The following ITIH3 variants were observed in gnomAD, a reference collection of about 807,000 sequenced individuals.
ITIH3 encodes the protein inter-alpha-trypsin inhibitor heavy chain 3, also known as inter-alpha-trypsin inhibitor heavy chain H3.
A neutral mutation model predicts 96.5 loss-of-function variants in ITIH3; 81 were observed. The ratio of observed to expected loss-of-function variants is 0.84; its 90% CI spans 0.70 to 1.01. The LOEUF (loss-of-function observed/expected upper bound fraction) is 1.01. ITIH3 is among the 50% of genes least tolerant of loss of function. ITIH3 has a pLI of 0.00. For missense variants in ITIH3, 1,057 were observed against 1,139.3 expected (o/e 0.93, Z 1.04); for synonymous variants, 422 against 445.2 (o/e 0.95, Z 0.66).
At position 52,802,343 on chromosome 3, in the gene ITIH3, G is replaced by A. The variant is rs367797376; in HGVS notation, c.1393G>A (p.Glu465Lys). 6.8e-6 allele frequency: 11 copies of A among 1,613,754 alleles called. No homozygotes were observed. Among genetic ancestry groups the A allele is most frequent in the Non-Finnish European group, 9.3e-6 (11 of 1,179,876 alleles). The stretch of plus-strand genomic sequence containing the variant: ...CCCGTGCGAACTTCAGGGCTTCTAT[G>A]AGGAGGTGGCCAACCCACTGCTGAC... ...DADLQLQGFYEEVANPLLTGV... is the reference protein window; with the variant it reads ...DADLQLQGFYKEVANPLLTGV... The change falls in exon 12 of 22, where the codon GAG becomes AAG. Residue 465 changes from glutamate (E) to lysine (K), a missense_variant. Physicochemically the swap from Glu to Lys is moderately conservative, Grantham distance 56. Transcript: ENST00000449956.
chr3:52,798,486 G>A (rs577247192), intron 6 of ITIH3: 30 of 178,868 alleles, frequency 1.7e-4, no homozygotes, highest in Admixed American at 1.3e-3. Context: ...ATCCTGCCCC[G>A]GGACCCTCCT....
chr3:52,800,740 G>A lies in ITIH3; in HGVS notation c.1201+77G>A. The A allele has an allele frequency of 3.9e-6, 6 of 1,549,202 alleles. No homozygotes were observed. The South Asian group carries it at 7.3e-5, about 19-fold the overall frequency. On this transcript the variant is annotated intron_variant, in intron 10 of 21. Coordinates refer to ENST00000449956, the MANE Select transcript of ITIH3 (RefSeq NM_002217.4). ...CTCCTGGCTCTGTAGCTGGCTCATT[G>A]GAAAACCTGGGGCAGCTCTTCCCTG...
At position 52,795,489 on chromosome 3, in the gene ITIH3, G is replaced by C. The variant is rs866669892; in HGVS notation, c.94-114G>C. On this transcript the variant is annotated intron_variant, in intron 1 of 21. Coordinates refer to ENST00000449956, the MANE Select transcript of ITIH3 (RefSeq NM_002217.4). ...ATGTCTGGGGGCCACTCAGGTGTGT[G>C]GGGGGCAGGGCACCACTGAACCCCT... is the stretch of plus-strand genomic sequence containing the variant. 37 of 1,118,270 alleles carry C rather than the reference G, an allele frequency of 3.3e-5. No homozygotes were observed. In the South Asian group the frequency reaches 4.8e-4, roughly 15 times the overall value. The allele number at this position is 1,118,270 out of a possible 1,614,324, so 69.3% of individuals were successfully genotyped here. A position where few individuals can be genotyped will look rare whatever the true frequency, so the allele number is the denominator to read the frequency against.
intron 11 of ITIH3, chr3:52,802,113 A>C: frequency 2.1e-6 from 1 of 474,286 alleles, no homozygotes; most frequent in Non-Finnish European, 3.7e-6. Context: ...TTAATAGGAA[A>C]TACTTCTGAA....
At chr3:52,804,220 C>T (rs138145477) in intron 14 of ITIH3, 13 of 590,730 alleles carry the variant, frequency 2.2e-5, no homozygotes, top group African/African-American at 3.7e-5. Context: ...GGAGCCTCTG[C>T]ACCTCTAAAG....
chr3:52,802,840 C>A, intron 13 of ITIH3, 34 bp downstream of exon 13: 1 of 1,611,556 alleles, frequency 6.2e-7, no homozygotes, highest in Non-Finnish European at 8.5e-7. Context: ...CTGTGCCTAC[C>A]CCTGGCTGGG....
intron 13 of ITIH3, 52 bp from the exon 14 acceptor site, chr3:52,803,803 T>C (rs2154110122): frequency 6.3e-7 from 1 of 1,599,584 alleles, no homozygotes; most frequent in South Asian, 1.1e-5. Context: ...GCAGGGGAAG[T>C]GGGCAGGGTG....
Position 52,802,368 on chromosome 3 carries a change from C to A in ITIH3, c.1418C>A (p.Thr473Lys). The A allele has an allele frequency of 1.2e-6, 2 of 1,613,948 alleles. No individual in the cohort carries two copies. Among genetic ancestry groups the A allele is most frequent in the East Asian group, 2.2e-5 (1 of 44,884 alleles). ...GAGGAGGTGGCCAACCCACTGCTGA[C>A]GGGTGTGGAGATGGAGTACCCCGAG... ...FYEEVANPLL[T>K]GVEMEYPENA... Residue 473 changes from threonine to lysine, a missense_variant, in exon 12 of 22, where the codon ACG (threonine) becomes AAG (lysine). Physicochemically the swap from Thr to Lys is moderately conservative, Grantham distance 78. Transcript: ENST00000449956.
intron 12 of ITIH3, 59 bp from the exon 13 acceptor site, chr3:52,802,608 C>A: frequency 1.2e-6 from 2 of 1,611,192 alleles, no homozygotes; most frequent in Middle Eastern, 3.3e-4. Flanking sequence ...GGAGTGGTGG[C>A]CCCTGAACCT....
chr3:52,800,777 G>A (rs1699802051), intron 10 of ITIH3, 114 bp downstream of exon 10: 2 of 1,485,584 alleles, frequency 1.3e-6, no homozygotes, highest in African/African-American at 1.4e-5. Flanking sequence ...GTTCCCTGTG[G>A]TCTGGGAGCC....
Position 52,800,978 on chromosome 3 carries a change from C to T in ITIH3, c.1215C>T (p.Pro405=), listed in dbSNP as rs375836861. The T allele has an allele frequency of 9.5e-5, 154 of 1,613,886 alleles. No homozygotes were observed. Among genetic ancestry groups the T allele is most frequent in the Non-Finnish European group, 1.2e-4 (145 of 1,179,902 alleles). Residue 405 remains proline (P), a synonymous_variant, in exon 11 of 22, where the codon CCC becomes CCT. Transcript: ENST00000449956. ...DGDANVGESR[P]EKIQENVRNA... The stretch of plus-strand genomic sequence containing the variant: ...CTTCTCCAACAGGTGAGAGCAGACC[C>T]GAAAAAATCCAAGAGAATGTGCGGA...
In ITIH3 at chr3:52,803,618, C is replaced by T. The variant is rs530999037; in HGVS notation, c.1710-237C>T. On this transcript the variant is annotated intron_variant, in intron 13 of 21. Transcript: ENST00000449956. Reference sequence around the variant, plus strand: ...ACAGGCGTGAGCCACCATGCCCGGCCGGTCCTTACGTTTTATAGGTGGGGA... The same window carrying T: ...ACAGGCGTGAGCCACCATGCCCGGCTGGTCCTTACGTTTTATAGGTGGGGA... 7.2e-5 allele frequency among the ~76,000 whole-genome samples: 11 copies of T among 152,340 alleles called. No individual in the cohort carries two copies. The South Asian group carries it at 2.1e-3, about 29-fold the overall frequency.
chr3:52,806,949 A>G lies in ITIH3; in HGVS notation c.2105A>G (p.Asp702Gly), dbSNP rs745965729. 1 of 1,592,758 alleles carries G rather than the reference A, an allele frequency of 6.3e-7. No individual in the cohort carries two copies. Among genetic ancestry groups the G allele is most frequent in the Non-Finnish European group, 8.5e-7 (1 of 1,169,846 alleles). Residue 702 changes from aspartate to glycine, a missense_variant, in exon 19 of 22, where the codon GAC (aspartate) becomes GGC (glycine). Coordinates refer to ENST00000449956, the MANE Select transcript of ITIH3 (RefSeq NM_002217.4). ...QITGDKRGSPDSKTRKTYFGK... is the reference protein window; with the variant it reads ...QITGDKRGSPGSKTRKTYFGK... The stretch of plus-strand genomic sequence containing the variant: ...ACTGGCGACAAGAGAGGCAGCCCTG[A>G]CTCCAAGACCAGAAAGACTTACTTT...
chr3:52,796,706 G>T, intron 3 of ITIH3, 33 bp from the exon 4 acceptor site: 1 of 1,605,548 alleles, frequency 6.2e-7, no homozygotes. Flanking sequence ...GGCCCAGTGT[G>T]ATCTCCCTAC....
At chr3:52,796,702 G>C in intron 3 of ITIH3, 37 bp from the exon 4 acceptor site, 1 of 1,606,476 alleles carries the variant, frequency 6.2e-7, no homozygotes, top group South Asian at 1.1e-5. Context: ...GTCTGGCCCA[G>C]TGTGATCTCC....
intron 18 of ITIH3, 148 bp from the exon 19 acceptor site, chr3:52,806,753 G>C (rs1480895091): frequency 1.5e-6 from 1 of 681,114 alleles, no homozygotes; most frequent in East Asian, 2.7e-5. Flanking sequence ...GGAACCAACA[G>C]GCTTGGGCTC....
rs766624449 is a variant in ITIH3, at chr3:52,806,153, G to C, written c.1942+15G>C. 1 of 1,601,282 alleles carries C rather than the reference G, an allele frequency of 6.2e-7. No homozygotes were observed. Among genetic ancestry groups the C allele is most frequent in the South Asian group, 1.1e-5 (1 of 88,996 alleles). On this transcript the variant is annotated intron_variant, in intron 17 of 21. Coordinates refer to ENST00000449956, the MANE Select transcript of ITIH3 (RefSeq NM_002217.4). ...CTACTACTATGGTGAGTCCCTGGCT[G>C]CTCCTCGGGAAGGCTCAGGGGCCTG...
Position 52,802,482 on chromosome 3 carries a change from A to G in ITIH3, c.1532A>G (p.Asp511Gly), listed in dbSNP as rs1198551310. 1.9e-6 allele frequency: 3 copies of G among 1,613,832 alleles called. No individual in the cohort carries two copies. Among genetic ancestry groups the G allele is most frequent in the Non-Finnish European group, 2.5e-6 (3 of 1,179,896 alleles). Reference protein sequence around the residue: ...IVVAGRLVDEDMNSFKADVKG... With the variant: ...IVVAGRLVDEGMNSFKADVKG... ...GTGGCCGGGCGCCTGGTGGACGAGG[A>G]CATGAACAGCTTTAAGGCAGATGTG... Residue 511 changes from aspartate (D) to glycine (G), a missense_variant, in exon 12 of 22, where the codon GAC becomes GGC. Coordinates refer to ENST00000449956, the MANE Select transcript of ITIH3 (RefSeq NM_002217.4).
intron 18 of ITIH3, 77 bp downstream of exon 18, chr3:52,806,483 A>T (rs1428134677): frequency 9.0e-7 from 1 of 1,109,472 alleles, no homozygotes; most frequent in African/African-American, 1.6e-5. Context: ...AGGCACAGGG[A>T]ACAGGTTCTC....
Sources: gnomAD v4.1 joint callset for allele counts (sites outside exome capture counted in the v4.1 genomes callset) on GRCh38, gnomAD v4.1.1 for gene constraint, MANE v1.5 for transcripts, NCBI Gene and HGNC (gene_info 2026-07-23, HGNC 2026-07-21) for gene names.